CELF2: variants seen among roughly 807,000 people sequenced by gnomAD.
CELF2 encodes CUG triplet repeat RNA-binding protein 2.
Under a neutral mutation model 62.6 loss-of-function variants are expected in CELF2, and 8 were observed. That is an observed-to-expected ratio of 0.13 (90% CI 0.07 to 0.23). The LOEUF (loss-of-function observed/expected upper bound fraction) is 0.23, where lower values mean the gene tolerates loss of function less well. Ranked by LOEUF, CELF2 falls within the 10% of genes least tolerant of loss-of-function variation. The probability of loss-of-function intolerance (pLI) is 1.00; values close to 1 mark genes in which losing one functional copy is unlikely to be tolerated. For missense variants in CELF2, 333 were observed against 671.0 expected, an observed-to-expected ratio of 0.50 and a Z score of 5.56; for synonymous variants, 258 against 250.0, an observed-to-expected ratio of 1.03 and a Z score of -0.30.
chr10:11,043,720 C>T (rs1398184393), intron 1 of CELF2, among the ~76,000 whole-genome samples: 4 of 152,184 alleles, frequency 2.6e-5, no homozygotes, highest in South Asian at 2.1e-4. Context: ...CACCTGCAGT[C>T]GCTCCTGCTG....
chr10:10,557,317 C>T, the CELF2 span, among the ~76,000 whole-genome samples: 1 of 151,632 alleles, frequency 6.6e-6, no homozygotes, highest in Admixed American at 6.6e-5. Flanking sequence ...TGGTTTTTCT[C>T]AGGTTTCTCA....
chr10:11,249,308 A>T (rs551233844), intron 4 of CELF2, 107 bp downstream of exon 4: 2 of 863,978 alleles, frequency 2.3e-6, no homozygotes, highest in East Asian at 5.0e-5. Context: ...TCTCTAGAGG[A>T]CAGAGAGCGC....
At chr10:10,541,979 T>C in the CELF2 span, among the ~76,000 whole-genome samples, 1 of 152,234 alleles carries the variant, frequency 6.6e-6, no homozygotes, top group Non-Finnish European at 1.5e-5. Context: ...TTTTACTTGC[T>C]AATTGAAGTT....
At chr10:10,754,833 T>C in the CELF2 span, among the ~76,000 whole-genome samples, 1 of 152,242 alleles carries the variant, frequency 6.6e-6, no homozygotes. Context: ...ACCCAAGCCT[T>C]AAGTAATAAC....
chr10:11,022,216 T>C (rs2058442300), intron 1 of CELF2, among the ~76,000 whole-genome samples: 1 of 152,224 alleles, frequency 6.6e-6, no homozygotes, highest in African/African-American at 2.4e-5. Flanking sequence ...AAGTGTTTTT[T>C]TCAGTTGAGA....
At chr10:11,001,492 T>C (rs533578546), upstream of CELF2, among the ~76,000 whole-genome samples, 1 of 152,346 alleles carries the variant, frequency 6.6e-6, no homozygotes, top group African/African-American at 2.4e-5. Context: ...TTAAGTTGTA[T>C]TTGGAAATTT....
chr10:10,645,726 G>A, the CELF2 span, among the ~76,000 whole-genome samples: 1 of 152,218 alleles, frequency 6.6e-6, no homozygotes, highest in African/African-American at 2.4e-5. Context: ...AGAGTGTCCT[G>A]TTCACTGTAC....
At chr10:11,233,625 C>G (rs967702142) in intron 3 of CELF2, among the ~76,000 whole-genome samples, 1 of 152,204 alleles carries the variant, frequency 6.6e-6, no homozygotes, top group Admixed American at 6.5e-5. Context: ...TATTGCCCAT[C>G]TTAAGTGAAT....
At chr10:11,113,309 G>T (rs2055700350) in intron 1 of CELF2, among the ~76,000 whole-genome samples, 1 of 152,146 alleles carries the variant, frequency 6.6e-6, no homozygotes, top group Non-Finnish European at 1.5e-5. Flanking sequence ...ATTCACCGAG[G>T]ATAGCATCAT....
At chr10:10,920,512 T>C (rs1285281230) in intron 2 of CELF2, among the ~76,000 whole-genome samples, 1 of 152,222 alleles carries the variant, frequency 6.6e-6, no homozygotes, top group East Asian at 1.9e-4. Flanking sequence ...AGTAATATTA[T>C]ATCATAGAAA....
At chr10:10,767,793 G>A in the CELF2 span, among the ~76,000 whole-genome samples, 52 of 152,220 alleles carry the variant, frequency 3.4e-4, no homozygotes, top group Non-Finnish European at 6.3e-4. Context: ...TCAGGAGATG[G>A]AGACCATCCT....
chr10:11,126,912 A>C (rs1409851059), intron 1 of CELF2, among the ~76,000 whole-genome samples: 1 of 146,120 alleles, frequency 6.8e-6, no homozygotes, highest in Non-Finnish European at 1.5e-5. Flanking sequence ...TTTTTTTTTT[A>C]ATACTTTAAG....
At chr10:11,120,506 C>G (rs1307070704) in intron 1 of CELF2, among the ~76,000 whole-genome samples, 19 of 152,198 alleles carry the variant, frequency 1.2e-4, no homozygotes, top group Admixed American at 1.2e-3. Context: ...GACATGCCAA[C>G]AACCCACACC....
At chr10:10,702,358 C>T in the CELF2 span, among the ~76,000 whole-genome samples, 3 of 152,126 alleles carry the variant, frequency 2.0e-5, no homozygotes, top group Non-Finnish European at 4.4e-5. Context: ...CTTGACTGGC[C>T]CCTTTATGTC....
chr10:10,564,863 A>C, the CELF2 span, among the ~76,000 whole-genome samples: 1 of 152,136 alleles, frequency 6.6e-6, no homozygotes, highest in African/African-American at 2.4e-5. Flanking sequence ...AGTCAAATCA[A>C]TACACAAATA....
chr10:10,661,430 G>C, the CELF2 span, among the ~76,000 whole-genome samples: 8 of 152,160 alleles, frequency 5.3e-5, no homozygotes, highest in African/African-American at 1.9e-4. Flanking sequence ...ACATCTGCGT[G>C]GTTTCCAGGC....
chr10:10,494,182 G>A, the CELF2 span, among the ~76,000 whole-genome samples: 2,371 of 152,290 alleles, frequency 0.016, 73 homozygotes, highest in African/African-American at 0.054. Flanking sequence ...TGTAGACCAC[G>A]CTGCAGGAAT....
chr10:10,672,020 G>A, the CELF2 span, among the ~76,000 whole-genome samples: 853 of 152,208 alleles, frequency 5.6e-3, 12 homozygotes, highest in African/African-American at 0.019. Flanking sequence ...GTAAGCCACC[G>A]TGCCCAGCCT....
chr10:10,706,970 T>C, the CELF2 span, among the ~76,000 whole-genome samples: 3 of 152,208 alleles, frequency 2.0e-5, no homozygotes, highest in Admixed American at 6.5e-5. Context: ...GTTACAAGCA[T>C]GAACATAACT....
Sources: allele counts gnomAD v4.1 joint callset (sites outside exome capture counted in the v4.1 genomes callset), GRCh38; gene constraint gnomAD v4.1.1; transcripts MANE v1.5; gene names NCBI Gene and HGNC (gene_info 2026-07-23, HGNC 2026-07-21).